Variants in GALNT1 observed in about 807,000 individuals in gnomAD.
The protein encoded by GALNT1 is GalNAc transferase 1.
GALNT1 carries 17 observed loss-of-function variants against 65.7 expected under a neutral mutation model. The observed-to-expected ratio is 0.26, with a 90% CI of 0.18 to 0.39. The LOEUF (loss-of-function observed/expected upper bound fraction) is 0.39. Among genes scored for constraint, GALNT1 ranks in the 10% least tolerant of loss-of-function variants. GALNT1 has a pLI of 1.00. For missense variants in GALNT1, 460 were observed against 672.8 expected (o/e 0.68, Z 3.50); for synonymous variants, 210 against 219.7 (o/e 0.96, Z 0.39).
chr18:35,642,881 G>C (rs1028965316), intron 1 of GALNT1, among the ~76,000 whole-genome samples: 2 of 152,018 alleles, frequency 1.3e-5, no homozygotes, highest in African/African-American at 4.8e-5. Flanking sequence ...CTTGGTCACT[G>C]TCAGGGTGCT....
At chr18:35,623,175 A>G (rs1187446233) in intron 1 of GALNT1, among the ~76,000 whole-genome samples, 1 of 152,090 alleles carries the variant, frequency 6.6e-6, no homozygotes, top group Non-Finnish European at 1.5e-5. Context: ...GACAGATCTG[A>G]GTTTCCATCT....
At chr18:35,679,348 C>T (rs1032931620) in intron 4 of GALNT1, among the ~76,000 whole-genome samples, 5 of 152,156 alleles carry the variant, frequency 3.3e-5, no homozygotes, top group African/African-American at 9.7e-5. Context: ...CTTTGTTTTT[C>T]TCTCTCGTTC....
intron 1 of GALNT1, among the ~76,000 whole-genome samples, chr18:35,582,298 C>G (rs1000245826): frequency 6.6e-6 from 1 of 152,122 alleles, no homozygotes; most frequent in Non-Finnish European, 1.5e-5. Flanking sequence ...CGAGGAGGAC[C>G]CGGACCTAAA....
intron 11 of GALNT1, among the ~76,000 whole-genome samples, chr18:35,706,568 C>T (rs987196869): frequency 5.3e-5 from 8 of 152,128 alleles, no homozygotes; most frequent in African/African-American, 1.9e-4. Flanking sequence ...ACTTCTAGAT[C>T]GCTTTGCAAG....
intron 3 of GALNT1, among the ~76,000 whole-genome samples, chr18:35,670,973 A>G (rs142542973): frequency 1.3e-5 from 2 of 152,320 alleles, no homozygotes; most frequent in African/African-American, 4.8e-5. Flanking sequence ...AATCAATTTT[A>G]TATGTATTAC....
chr18:35,678,627 A>C (rs766739390), intron 4 of GALNT1, among the ~76,000 whole-genome samples: 45 of 152,186 alleles, frequency 3.0e-4, no homozygotes, highest in Non-Finnish European at 6.2e-4. Flanking sequence ...GTGTTCCACC[A>C]ATGTTCCTGT....
intron 1 of GALNT1, among the ~76,000 whole-genome samples, chr18:35,638,328 G>C (rs1483336584): frequency 6.6e-6 from 1 of 152,178 alleles, no homozygotes; most frequent in Non-Finnish European, 1.5e-5. Context: ...ACCCCAAGGA[G>C]GGTGTTGTAA....
chr18:35,628,343 C>G (rs554301154), intron 1 of GALNT1, among the ~76,000 whole-genome samples: 5 of 152,190 alleles, frequency 3.3e-5, no homozygotes, highest in Admixed American at 3.3e-4. Context: ...ACACTTCACA[C>G]GGCCGGGTAC....
At chr18:35,617,076 A>G (rs1327455122) in intron 1 of GALNT1, among the ~76,000 whole-genome samples, 1 of 152,064 alleles carries the variant, frequency 6.6e-6, no homozygotes, top group Non-Finnish European at 1.5e-5. Flanking sequence ...ATGTAATGCA[A>G]GCGGCGCATT....
chr18:35,624,944 A>C (rs969530292), intron 1 of GALNT1, among the ~76,000 whole-genome samples: 3 of 152,238 alleles, frequency 2.0e-5, no homozygotes, highest in Non-Finnish European at 4.4e-5. Flanking sequence ...ACATTAAGCC[A>C]CATAAAGTTC....
intron 9 of GALNT1, among the ~76,000 whole-genome samples, chr18:35,693,010 C>T (rs1403114188): frequency 6.6e-6 from 1 of 152,166 alleles, no homozygotes; most frequent in Non-Finnish European, 1.5e-5. Flanking sequence ...AGAGATCCTG[C>T]TCTTGTTGAT....
chr18:35,693,221 G>A (rs963429616), intron 9 of GALNT1, among the ~76,000 whole-genome samples: 1 of 152,144 alleles, frequency 6.6e-6, no homozygotes, highest in African/African-American at 2.4e-5. Context: ...GAATGAGCAG[G>A]TCATACGAGT....
chr18:35,686,363 G>A (rs2047867877), intron 5 of GALNT1, among the ~76,000 whole-genome samples: 1 of 152,140 alleles, frequency 6.6e-6, no homozygotes, highest in Non-Finnish European at 1.5e-5. Context: ...TTCTAGCATT[G>A]ATACGGAACT....
chr18:35,658,709 C>CTTT (rs112714564), intron 2 of GALNT1, among the ~76,000 whole-genome samples: 1 of 137,636 alleles, frequency 7.3e-6, no homozygotes, highest in East Asian at 2.1e-4. Flanking sequence ...CAAAGTTTCT[C>CTTT]TTTTTTTTTT....
chr18:35,662,652 T>C (rs2047493964), intron 2 of GALNT1, among the ~76,000 whole-genome samples: 1 of 152,214 alleles, frequency 6.6e-6, no homozygotes. Flanking sequence ...AAAAACAATC[T>C]ACAAGAGAAT....
At position 35,584,295 on chromosome 18, in the gene GALNT1, CT is replaced by C. The variant is rs569324961; in HGVS notation, c.-104+2441del. 7.3e-3 allele frequency among the ~76,000 whole-genome samples: 1,116 copies of C among 152,128 alleles called. 14 individuals carry two copies. The highest frequency in any genetic ancestry group is 0.026 in the African/African-American group (1,068 of 41,508). ...GCTTATGTAACATACAACTTTGGTA[CT>C]TTTTTTTCAGTAACAGATTTCTTGG... On this transcript the variant is annotated intron_variant, in intron 1 of 11. Transcript: ENST00000269195.
intron 2 of GALNT1, among the ~76,000 whole-genome samples, chr18:35,661,499 T>TA (rs79423265): frequency 7.3e-3 from 1,032 of 141,082 alleles, no homozygotes; most frequent in Non-Finnish European, 0.011. Flanking sequence ...GACTCTGTCT[T>TA]AAAAAAAAAA....
At chr18:35,664,795 G>A (rs1031729669) in intron 3 of GALNT1, among the ~76,000 whole-genome samples, 4 of 152,206 alleles carry the variant, frequency 2.6e-5, no homozygotes, top group Non-Finnish European at 4.4e-5. Context: ...ATTCTGTGCT[G>A]AGGCCCCCTA....
intron 1 of GALNT1, among the ~76,000 whole-genome samples, chr18:35,629,750 A>T (rs563847557): frequency 6.6e-6 from 1 of 152,092 alleles, no homozygotes; most frequent in South Asian, 2.1e-4. Flanking sequence ...CTAAATTAAA[A>T]GACACAGACT....
Sources: allele counts gnomAD v4.1 joint callset (sites outside exome capture counted in the v4.1 genomes callset), GRCh38; gene constraint gnomAD v4.1.1; transcripts MANE v1.5; gene names NCBI Gene and HGNC (gene_info 2026-07-23, HGNC 2026-07-21).